Variants in FAM13A observed in about 807,000 individuals in gnomAD.
FAM13A encodes protein FAM13A.
A neutral mutation model predicts 129.6 loss-of-function variants in FAM13A; 76 were observed. The ratio of observed to expected loss-of-function variants is 0.59; its 90% CI spans 0.49 to 0.71. FAM13A has a LOEUF of 0.71. FAM13A is among the 30% of genes least tolerant of loss of function. FAM13A has a pLI of 0.00. For missense variants in FAM13A, 1,108 were observed against 1,249.3 expected (o/e 0.89, Z 1.70); for synonymous variants, 443 against 449.9 (o/e 0.98, Z 0.20).
intron 6 of FAM13A, among the ~76,000 whole-genome samples, chr4:88,897,000 C>T (rs1746464290): frequency 6.6e-6 from 1 of 152,090 alleles, no homozygotes; most frequent in Admixed American, 6.5e-5. Flanking sequence ...CTAGAGCATA[C>T]CCCAAGGGAA....
intron 5 of FAM13A, among the ~76,000 whole-genome samples, chr4:88,927,277 T>A (rs1000851513): frequency 3.3e-5 from 5 of 152,030 alleles, no homozygotes; most frequent in Non-Finnish European, 5.9e-5. Flanking sequence ...CTTAATGGTA[T>A]ATAGAAATGC....
intron 3 of FAM13A, among the ~76,000 whole-genome samples, chr4:88,992,582 A>G (rs765900020): frequency 6.6e-6 from 1 of 152,170 alleles, no homozygotes; most frequent in Non-Finnish European, 1.5e-5. Flanking sequence ...ATAGTTCAGA[A>G]TTTGATATAT....
chr4:88,822,929 A>C (rs1732301511), intron 7 of FAM13A: 1 of 1,603,886 alleles, frequency 6.2e-7, no homozygotes, highest in Non-Finnish European at 8.5e-7. Context: ...GGCTTGATAC[A>C]ACTCAAAAAA....
chr4:89,031,300 G>A (rs1406282484), intron 1 of FAM13A, among the ~76,000 whole-genome samples: 1 of 152,012 alleles, frequency 6.6e-6, no homozygotes, highest in Non-Finnish European at 1.5e-5. Flanking sequence ...ATTAAAAACA[G>A]CTGACAGTGA....
intron 14 of FAM13A, among the ~76,000 whole-genome samples, chr4:88,757,473 T>C (rs1369361378): frequency 6.6e-6 from 1 of 152,112 alleles, no homozygotes; most frequent in Non-Finnish European, 1.5e-5. Flanking sequence ...GTTTTTAATA[T>C]ATGAATTAAA....
chr4:88,894,771 C>T (rs1391823331), intron 6 of FAM13A, among the ~76,000 whole-genome samples: 2 of 152,228 alleles, frequency 1.3e-5, no homozygotes, highest in East Asian at 3.8e-4. Context: ...ATCCACCCAC[C>T]TCAGCCTCCT....
chr4:88,963,044 T>C (rs1037879984), intron 4 of FAM13A, among the ~76,000 whole-genome samples: 1 of 152,222 alleles, frequency 6.6e-6, no homozygotes, highest in African/African-American at 2.4e-5. Flanking sequence ...AGGTGACTTT[T>C]ACTTTTTTTC....
At chr4:88,874,105 A>G (rs1405409564) in intron 6 of FAM13A, among the ~76,000 whole-genome samples, 3 of 151,950 alleles carry the variant, frequency 2.0e-5, no homozygotes. Flanking sequence ...ATGCTGAAAA[A>G]CTCTCAATAA....
intron 13 of FAM13A, among the ~76,000 whole-genome samples, chr4:88,764,205 A>T (rs6857153): frequency 0.56 from 85,157 of 150,762 alleles, 26,299 homozygotes; most frequent in Non-Finnish European, 0.72. Flanking sequence ...CTTTTTTTTT[A>T]AAATTATGAA....
At chr4:88,952,959 T>G (rs995763034) in intron 4 of FAM13A, among the ~76,000 whole-genome samples, 3 of 151,890 alleles carry the variant, frequency 2.0e-5, no homozygotes, top group African/African-American at 7.3e-5. Context: ...AATAAATAAA[T>G]AAATAAATAG....
At chr4:88,759,111 T>G in intron 13 of FAM13A, 1 of 482,046 alleles carries the variant, frequency 2.1e-6, no homozygotes, top group Non-Finnish European at 3.7e-6. Flanking sequence ...TCCTTTAACT[T>G]TCCCCAGGCT....
At chr4:88,871,381 G>A in intron 6 of FAM13A, among the ~76,000 whole-genome samples, 1 of 152,188 alleles carries the variant, frequency 6.6e-6, no homozygotes, top group East Asian at 1.9e-4. Context: ...CCATCGTAAG[G>A]AAGCTAAAAA....
chr4:88,963,349 G>A (rs528086681), intron 4 of FAM13A, among the ~76,000 whole-genome samples: 15 of 151,208 alleles, frequency 9.9e-5, no homozygotes, highest in African/African-American at 3.4e-4. Context: ...CCAGGCTGGA[G>A]TGCAGTGGTG....
chr4:88,920,083 G>C (rs1423584802), intron 5 of FAM13A, among the ~76,000 whole-genome samples: 2 of 152,222 alleles, frequency 1.3e-5, no homozygotes, highest in Non-Finnish European at 2.9e-5. Flanking sequence ...AGCTCAAGGA[G>C]GCCTGCCTGC....
intron 4 of FAM13A, among the ~76,000 whole-genome samples, chr4:88,938,865 T>C (rs1013132560): frequency 2.6e-5 from 4 of 152,190 alleles, no homozygotes. Context: ...GTAACATGTA[T>C]AACTGACAAA....
At chr4:88,941,563 A>G (rs1754761376) in intron 4 of FAM13A, among the ~76,000 whole-genome samples, 1 of 152,150 alleles carries the variant, frequency 6.6e-6, no homozygotes, top group African/African-American at 2.4e-5. Flanking sequence ...ATTTGTTGTA[A>G]TTTTGTCTTC....
At position 88,857,516 on chromosome 4, in the gene FAM13A, C is replaced by T. The variant is rs552111793; in HGVS notation, c.844-6333G>A. 6.6e-5 allele frequency among the ~76,000 whole-genome samples: 10 copies of T among 151,158 alleles called. No homozygotes were observed. In the South Asian group the frequency reaches 2.1e-3, roughly 32 times the overall value. ...TGGTGGCGCATGCCTGCAATACCAG[C>T]TACTCAGGAGGCTGAGGCAGGATAA... On this transcript the variant is annotated intron_variant, in intron 6 of 23. Transcript: ENST00000264344.
intron 11 of FAM13A, among the ~76,000 whole-genome samples, chr4:88,772,589 A>G (rs1308692570): frequency 2.0e-5 from 3 of 152,218 alleles, no homozygotes; most frequent in Admixed American, 6.5e-5. Context: ...TCAACTTACC[A>G]TGGAGGTTAT....
chr4:88,944,351 C>T (rs369149945), intron 4 of FAM13A, among the ~76,000 whole-genome samples: 1 of 152,058 alleles, frequency 6.6e-6, no homozygotes, highest in African/African-American at 2.4e-5. Flanking sequence ...GACCCTAGTT[C>T]CTCTTTTAAA....
Sources: allele counts gnomAD v4.1 joint callset (sites outside exome capture counted in the v4.1 genomes callset), GRCh38; gene constraint gnomAD v4.1.1; transcripts MANE v1.5; gene names NCBI Gene and HGNC (gene_info 2026-07-23, HGNC 2026-07-21).